NFIB: variants seen among roughly 807,000 people sequenced by gnomAD.
NFIB encodes the protein nuclear factor I B, also known as nuclear factor 1 B-type.
NFIB carries 11 observed loss-of-function variants against 61.5 expected under a neutral mutation model. The ratio of observed to expected loss-of-function variants is 0.18; its 90% CI spans 0.11 to 0.30. The LOEUF is 0.30. NFIB is among the 10% of genes least tolerant of loss of function. NFIB has a pLI of 1.00. For missense variants in NFIB, 471 were observed against 608.9 expected (o/e 0.77, Z 2.38); for synonymous variants, 260 against 216.5 (o/e 1.20, Z -1.76).
At chr9:14,248,541 G>A (rs2055202309) in intron 2 of NFIB, among the ~76,000 whole-genome samples, 1 of 152,218 alleles carries the variant, frequency 6.6e-6, no homozygotes, top group East Asian at 1.9e-4. Flanking sequence ...CAAATCCTGG[G>A]ATTACAGGCA....
chr9:14,489,722 C>G, the NFIB span, among the ~76,000 whole-genome samples: 1 of 151,704 alleles, frequency 6.6e-6, no homozygotes, highest in Non-Finnish European at 1.5e-5. Context: ...TATGCCACAC[C>G]CAATTTTTGG....
the NFIB span, among the ~76,000 whole-genome samples, chr9:14,406,051 T>C: frequency 6.6e-6 from 1 of 152,116 alleles, no homozygotes; most frequent in Non-Finnish European, 1.5e-5. Context: ...ACCAAAGTTA[T>C]ACAGCCTCCT....
chr9:14,217,193 T>C (rs1424732376), intron 2 of NFIB, among the ~76,000 whole-genome samples: 1 of 152,186 alleles, frequency 6.6e-6, no homozygotes, highest in East Asian at 1.9e-4. Context: ...AATAACTTTT[T>C]CCCAGGTTAC....
At chr9:14,425,372 C>T in the NFIB span, among the ~76,000 whole-genome samples, 1 of 152,058 alleles carries the variant, frequency 6.6e-6, no homozygotes, top group African/African-American at 2.4e-5. Context: ...TTTGTACCAG[C>T]AGGAATCGAG....
the NFIB span, among the ~76,000 whole-genome samples, chr9:14,498,895 C>G: frequency 6.6e-6 from 1 of 151,702 alleles, no homozygotes; most frequent in Admixed American, 6.6e-5. Flanking sequence ...ATGTGTAAGG[C>G]TCTGTGCTGA....
At chr9:14,244,436 A>G (rs1323560895) in intron 2 of NFIB, among the ~76,000 whole-genome samples, 1 of 152,222 alleles carries the variant, frequency 6.6e-6, no homozygotes, top group Admixed American at 6.5e-5. Flanking sequence ...AAAATGAATG[A>G]AACTTACCCA....
intron 10 of NFIB, among the ~76,000 whole-genome samples, chr9:14,104,749 TA>T (rs760716241): frequency 2.6e-3 from 358 of 139,798 alleles, no homozygotes; most frequent in Middle Eastern, 3.7e-3. Flanking sequence ...CCTGGCTAAT[TA>T]AAAAAAAAAA....
the NFIB span, among the ~76,000 whole-genome samples, chr9:14,520,360 G>C: frequency 1.3e-5 from 2 of 152,144 alleles, no homozygotes; most frequent in Non-Finnish European, 2.9e-5. Flanking sequence ...AATGATCTAA[G>C]ATAAGAATTC....
intron 2 of NFIB, among the ~76,000 whole-genome samples, chr9:14,299,544 T>A (rs1023625478): frequency 6.6e-6 from 1 of 152,238 alleles, no homozygotes; most frequent in African/African-American, 2.4e-5. Flanking sequence ...CGCACTTGTT[T>A]AAACAAATTC....
chr9:14,176,547 CA>C (rs1304027079), intron 3 of NFIB, among the ~76,000 whole-genome samples: 1 of 152,056 alleles, frequency 6.6e-6, no homozygotes, highest in Non-Finnish European at 1.5e-5. Context: ...TATAAAATAA[CA>C]AATGACAAAA....
At chr9:14,261,729 G>C (rs922903716) in intron 2 of NFIB, among the ~76,000 whole-genome samples, 2 of 152,154 alleles carry the variant, frequency 1.3e-5, no homozygotes, top group African/African-American at 2.4e-5. Context: ...AAGTGGCCTG[G>C]GACAAAGTCT....
Position 14,086,963 on chromosome 9 carries a change from A to C in NFIB, c.*1346T>G, listed in dbSNP as rs561766960. ...TCTGTCAATACAAGAAATTTGTTGA[A>C]CAAGGCTAATGTCTGAAAGCACCAT... On this transcript the variant is annotated 3_prime_UTR_variant, in exon 11 of 11. Transcript: ENST00000380953. 2.7e-4 allele frequency: 55 copies of C among 203,102 alleles called. 1 individual carries two copies. Among genetic ancestry groups the C allele is most frequent in the Non-Finnish European group, 4.6e-4 (45 of 98,546 alleles). The allele number at this position is 203,102 out of a possible 1,614,324, so 12.6% of individuals were successfully genotyped here.
chr9:14,330,780 T>A (rs1379141748), intron 1 of NFIB, among the ~76,000 whole-genome samples: 1 of 152,124 alleles, frequency 6.6e-6, no homozygotes, highest in Non-Finnish European at 1.5e-5. Flanking sequence ...ATTATGTACA[T>A]GTTGAGTCTA....
chr9:14,305,901 C>G, intron 2 of NFIB: 1 of 1,072,674 alleles, frequency 9.3e-7, no homozygotes, highest in Non-Finnish European at 1.2e-6. Context: ...TGTGACAGCT[C>G]AAACTTCAGT....
the NFIB span, among the ~76,000 whole-genome samples, chr9:14,476,392 T>C: frequency 3.3e-5 from 5 of 152,278 alleles, no homozygotes; most frequent in South Asian, 1.0e-3. Context: ...CTGAAGCATC[T>C]TGACTCACCT....
intron 5 of NFIB, among the ~76,000 whole-genome samples, chr9:14,147,636 C>CTT (rs34256054): frequency 0.07 from 7,561 of 108,588 alleles, 1,091 homozygotes; most frequent in African/African-American, 0.18. Flanking sequence ...TAAAATGATA[C>CTT]TTTTTTTTTT....
intron 2 of NFIB, among the ~76,000 whole-genome samples, chr9:14,219,477 T>C (rs1035921058): frequency 4.7e-5 from 7 of 149,548 alleles, no homozygotes; most frequent in Middle Eastern, 3.5e-3. Context: ...AACCTAAAAT[T>C]AAACTACTAA....
At chr9:14,408,087 G>C in the NFIB span, among the ~76,000 whole-genome samples, 12 of 152,252 alleles carry the variant, frequency 7.9e-5, no homozygotes, top group African/African-American at 2.9e-4. Flanking sequence ...TTCAGGCCTA[G>C]TTTCAAGAAA....
the NFIB span, among the ~76,000 whole-genome samples, chr9:14,439,463 G>T: frequency 0.23 from 34,475 of 152,164 alleles, 3,934 homozygotes; most frequent in Non-Finnish European, 0.24. Context: ...TAATACCTGC[G>T]TTATAGGGCT....
Sources: gnomAD v4.1 joint callset for allele counts (sites outside exome capture counted in the v4.1 genomes callset) on GRCh38, gnomAD v4.1.1 for gene constraint, MANE v1.5 for transcripts, NCBI Gene and HGNC (gene_info 2026-07-23, HGNC 2026-07-21) for gene names.